Variants in ZSWIM5 observed in about 807,000 individuals in gnomAD.
ZSWIM5 encodes the protein zinc finger SWIM domain-containing protein 5.
In ZSWIM5, 55 loss-of-function variants were observed where a neutral mutation model predicts 119.6. The observed-to-expected ratio is 0.46, with a 90% CI of 0.37 to 0.58. ZSWIM5 has a LOEUF of 0.58. ZSWIM5 is among the 20% of genes least tolerant of loss of function. ZSWIM5 has a pLI of 0.00. For missense variants in ZSWIM5, 1,193 were observed against 1,512.8 expected (o/e 0.79, Z 3.51); for synonymous variants, 537 against 606.9 (o/e 0.88, Z 1.69).
intron 1 of ZSWIM5, among the ~76,000 whole-genome samples, chr1:45,089,613 A>T (rs551498210): frequency 6.6e-6 from 1 of 152,196 alleles, no homozygotes; most frequent in Non-Finnish European, 1.5e-5. Context: ...ACTGACTTCA[A>T]TGTTAATTTT....
intron 4 of ZSWIM5, among the ~76,000 whole-genome samples, chr1:45,052,911 C>T (rs992443040): frequency 6.6e-6 from 1 of 151,820 alleles, no homozygotes; most frequent in Admixed American, 6.6e-5. Flanking sequence ...CACCTGAGGT[C>T]GGGAGTTCAA....
chr1:45,081,235 C>T (rs957807536), intron 2 of ZSWIM5, among the ~76,000 whole-genome samples: 4 of 141,620 alleles, frequency 2.8e-5, no homozygotes, highest in African/African-American at 5.7e-5. Context: ...AAATCTTTAT[C>T]TAGCTCCCTC....
At chr1:45,068,100 TTTTTTTC>T (rs1352210937) in intron 2 of ZSWIM5, among the ~76,000 whole-genome samples, 3 of 51,158 alleles carry the variant, frequency 5.9e-5, no homozygotes, top group Non-Finnish European at 8.0e-5. Flanking sequence ...TCTTTTTTTT[TTTTTTTC>T]TTTTTTTTTT....
At chr1:45,137,347 T>C (rs1181612331) in intron 1 of ZSWIM5, among the ~76,000 whole-genome samples, 1 of 152,120 alleles carries the variant, frequency 6.6e-6, no homozygotes, top group South Asian at 2.1e-4. Context: ...CAGCATCTAA[T>C]CCAAACAGAT....
chr1:45,115,665 G>T (rs1237675422), intron 1 of ZSWIM5, among the ~76,000 whole-genome samples: 2 of 149,264 alleles, frequency 1.3e-5, no homozygotes, highest in East Asian at 4.0e-4. Flanking sequence ...GGTCGGCCAG[G>T]CAGAGGGGCT....
At chr1:45,117,227 T>C (rs911405854) in intron 1 of ZSWIM5, among the ~76,000 whole-genome samples, 8 of 152,188 alleles carry the variant, frequency 5.3e-5, no homozygotes, top group African/African-American at 1.9e-4. Flanking sequence ...CAACTGAAGA[T>C]GAAAATGTAG....
chr1:45,102,282 T>C (rs918569236), intron 1 of ZSWIM5, among the ~76,000 whole-genome samples: 10 of 152,140 alleles, frequency 6.6e-5, no homozygotes, highest in African/African-American at 2.4e-4. Flanking sequence ...TTCTTGACTA[T>C]GCTGTTTTCT....
intron 11 of ZSWIM5, among the ~76,000 whole-genome samples, chr1:45,029,938 A>AT (rs1557740631): frequency 2.0e-5 from 3 of 151,674 alleles, no homozygotes; most frequent in Admixed American, 6.6e-5. Context: ...TAGCTGGTTC[A>AT]TTTTTTTTCG....
intron 1 of ZSWIM5, among the ~76,000 whole-genome samples, chr1:45,115,562 CCACATCT>C (rs1645550017): frequency 6.7e-6 from 1 of 149,082 alleles, no homozygotes; most frequent in African/African-American, 2.5e-5. Flanking sequence ...GAGGCGCTCC[CCACATCT>C]CAGACGATGG....
chr1:45,048,893 G>T (rs1321382723), intron 5 of ZSWIM5, among the ~76,000 whole-genome samples: 1 of 152,208 alleles, frequency 6.6e-6, no homozygotes, highest in Non-Finnish European at 1.5e-5. Context: ...GGCCAAGGCA[G>T]GAGGATTGCT....
intron 2 of ZSWIM5, among the ~76,000 whole-genome samples, chr1:45,080,712 A>G (rs1645284954): frequency 6.6e-6 from 1 of 152,178 alleles, no homozygotes; most frequent in Non-Finnish European, 1.5e-5. Context: ...CTATTCTGCC[A>G]TCTTGTTCTG....
chr1:45,037,629 G>C (rs1644993283), intron 8 of ZSWIM5, among the ~76,000 whole-genome samples: 1 of 152,168 alleles, frequency 6.6e-6, no homozygotes, highest in Admixed American at 6.5e-5. Context: ...AGGTTTCCAA[G>C]ATGTAAATGT....
intron 1 of ZSWIM5, among the ~76,000 whole-genome samples, chr1:45,195,726 T>A (rs1426402324): frequency 1.3e-5 from 2 of 152,024 alleles, no homozygotes; most frequent in African/African-American, 4.8e-5. Flanking sequence ...TTCACATCCA[T>A]TAATAAAGAT....
intron 1 of ZSWIM5, among the ~76,000 whole-genome samples, chr1:45,095,467 A>C (rs1645395455): frequency 1.3e-5 from 2 of 152,148 alleles, no homozygotes; most frequent in Non-Finnish European, 2.9e-5. Context: ...TGTTCAAATC[A>C]AGATGCAAAC....
chr1:45,194,949 T>C (rs1046263994), intron 1 of ZSWIM5, among the ~76,000 whole-genome samples: 1 of 152,124 alleles, frequency 6.6e-6, no homozygotes, highest in African/African-American at 2.4e-5. Context: ...ATATTAGACA[T>C]AATTCTAAAA....
At chr1:45,046,025 G>A (rs1570020288) in intron 5 of ZSWIM5, among the ~76,000 whole-genome samples, 2 of 151,904 alleles carry the variant, frequency 1.3e-5, no homozygotes, top group African/African-American at 4.8e-5. Flanking sequence ...AGAGTGAGGA[G>A]GCCAGTATAG....
At position 45,048,497 on chromosome 1, in the gene ZSWIM5, T is replaced by C. The variant is rs75131306; in HGVS notation, c.1432+2577A>G. ...GATTGTAATGAGTTACCAAGGACTCTAACGTGGATGAGGAGGAAAATGAGG... is the reference window on the plus strand; with the variant it reads ...GATTGTAATGAGTTACCAAGGACTCCAACGTGGATGAGGAGGAAAATGAGG... On this transcript the variant is annotated intron_variant, in intron 5 of 13. Coordinates refer to ENST00000359600, the MANE Select transcript of ZSWIM5 (RefSeq NM_020883.2). Among the ~76,000 whole-genome samples the C allele has an allele frequency of 7.3e-3, 1,106 of 152,248 alleles. 16 individuals are homozygous for C. Among genetic ancestry groups the C allele is most frequent in the African/African-American group, 0.025 (1,057 of 41,550 alleles).
At chr1:45,199,972 G>A (rs1646149440) in intron 1 of ZSWIM5, among the ~76,000 whole-genome samples, 1 of 152,090 alleles carries the variant, frequency 6.6e-6, no homozygotes, top group Non-Finnish European at 1.5e-5. Context: ...AAGCTTCAAG[G>A]ATAATTTTTA....
At chr1:45,023,294 T>C (rs1390868970) in intron 11 of ZSWIM5, among the ~76,000 whole-genome samples, 1 of 152,218 alleles carries the variant, frequency 6.6e-6, no homozygotes, top group Non-Finnish European at 1.5e-5. Context: ...ACTGTCTTCA[T>C]AGTTTTGCCT....
Sources: allele counts gnomAD v4.1 joint callset (sites outside exome capture counted in the v4.1 genomes callset), GRCh38; gene constraint gnomAD v4.1.1; transcripts MANE v1.5; gene names NCBI Gene and HGNC (gene_info 2026-07-23, HGNC 2026-07-21).